SMARCA2: variants seen among roughly 807,000 people sequenced by gnomAD.
SMARCA2 encodes the protein SWI/SNF related BAF chromatin remodeling complex subunit ATPase 2.
Under a neutral mutation model 199.8 loss-of-function variants are expected in SMARCA2, and 61 were observed. The ratio of observed to expected loss-of-function variants is 0.31; its 90% CI spans 0.25 to 0.38. SMARCA2 has a LOEUF of 0.38. Among genes scored for constraint, SMARCA2 ranks in the 10% least tolerant of loss-of-function variants. The probability of loss-of-function intolerance (pLI) is 1.00; values close to 1 mark genes in which losing one functional copy is unlikely to be tolerated. For synonymous variants in SMARCA2, 935 were observed against 732.0 expected (o/e 1.28, Z -4.48); for missense variants, 1,344 against 2,012.2 (o/e 0.67, Z 6.35).
chr9:2,184,247 T>A (rs997350859), intron 31 of SMARCA2, among the ~76,000 whole-genome samples: 1 of 152,142 alleles, frequency 6.6e-6, no homozygotes, highest in African/African-American at 2.4e-5. Flanking sequence ...TTTTACTCTT[T>A]AAGATCATTC....
In SMARCA2 at chr9:2,029,228, G is replaced by T; in HGVS notation, c.206G>T (p.Gly69Val). 1 of 1,611,600 alleles carries T rather than the reference G, an allele frequency of 6.2e-7. No individual in the cohort carries two copies. Among genetic ancestry groups the T allele is most frequent in the Non-Finnish European group, 8.5e-7 (1 of 1,178,648 alleles). Reference sequence around the variant, plus strand: ...GGGTCCACAGACTTCCCACAGGAAGGCATGCATCAAATGCATAAGGTAAGA... The same window carrying T: ...GGGTCCACAGACTTCCCACAGGAAGTCATGCATCAAATGCATAAGGTAAGA... Reference protein sequence around the residue: ...TMGSTDFPQEGMHQMHKPIDG... With the variant: ...TMGSTDFPQEVMHQMHKPIDG... The change falls in exon 2 of 34, where the codon GGC (glycine) becomes GTC (valine). Residue 69 changes from glycine to valine, a missense_variant. This residue lies in a region of SMARCA2 where 275 missense variants were observed against 247.5 expected (regional missense o/e 1.11). Coordinates refer to ENST00000349721, the MANE Select transcript of SMARCA2 (RefSeq NM_003070.5).
chr9:2,084,317 A>G, intron 17 of SMARCA2, 121 bp downstream of exon 17: 1 of 605,910 alleles, frequency 1.7e-6, no homozygotes, highest in Non-Finnish European at 2.9e-6. Context: ...TTATTTTTCT[A>G]AAATTTTTTC....
chr9:2,149,608 G>A (rs185585918), intron 27 of SMARCA2, among the ~76,000 whole-genome samples: 15 of 151,616 alleles, frequency 9.9e-5, no homozygotes, highest in African/African-American at 1.7e-4. Flanking sequence ...GAGGGAAACC[G>A]CTCCCATGAT....
At chr9:2,139,049 AGAT>A (rs1165344812) in intron 27 of SMARCA2, among the ~76,000 whole-genome samples, 1 of 152,122 alleles carries the variant, frequency 6.6e-6, no homozygotes, top group Non-Finnish European at 1.5e-5. Context: ...TGAAGAGTTG[AGAT>A]GAGTCCTGTG....
chr9:2,190,637 A>ACG (rs1172450119), intron 32 of SMARCA2, among the ~76,000 whole-genome samples: 1 of 152,146 alleles, frequency 6.6e-6, no homozygotes, highest in African/African-American at 2.4e-5. Context: ...AATCACACAC[A>ACG]CACACATACA....
chr9:2,050,896 C>T (rs937612777), intron 5 of SMARCA2, among the ~76,000 whole-genome samples: 1 of 152,172 alleles, frequency 6.6e-6, no homozygotes, highest in Non-Finnish European at 1.5e-5. Flanking sequence ...AACAGTAACC[C>T]CTCGTGATTT....
rs1818368039 is a variant in SMARCA2 at position 2,016,705 on chromosome 9, A to G, written c.-37+1301A>G. 1.3e-5 allele frequency among the ~76,000 whole-genome samples: 2 copies of G among 151,668 alleles called. No individual in the cohort carries two copies. Among genetic ancestry groups the G allele is most frequent in the South Asian group, 4.2e-4 (2 of 4,796 alleles). ...GGTGGCGAGGGCGGGAGGCGGGGAGACCGGGTAGGAGCCTCCTCCCAACGA... is the reference window on the plus strand; with the variant it reads ...GGTGGCGAGGGCGGGAGGCGGGGAGGCCGGGTAGGAGCCTCCTCCCAACGA... On this transcript the variant is annotated intron_variant, in intron 1 of 33. Coordinates refer to ENST00000349721, the MANE Select transcript of SMARCA2 (RefSeq NM_003070.5). This position sits in a 1 kb window ranked among gnomAD's most constrained non-coding sequence, Gnocchi z 5.6.
rs1823190964 is a variant in SMARCA2, at chr9:2,115,798, A to T, written c.3457-24A>T. 2 of 1,604,198 alleles carry T rather than the reference A, an allele frequency of 1.2e-6. No individual in the cohort carries two copies. The highest frequency in any genetic ancestry group is 3.3e-5 in the Admixed American group (2 of 59,712). ...GCCTATGCCAGGCATCTCAGTCCTC[A>T]TAGCATATTGACCCCCCAAACAGGA... On this transcript the variant is annotated intron_variant, in intron 24 of 33. Coordinates refer to ENST00000349721, the MANE Select transcript of SMARCA2 (RefSeq NM_003070.5). This position sits in a 1 kb window ranked among gnomAD's most constrained non-coding sequence, Gnocchi z 6.0.
chr9:2,171,004 G>A (rs1034519987), intron 29 of SMARCA2, among the ~76,000 whole-genome samples: 28 of 152,206 alleles, frequency 1.8e-4, no homozygotes, highest in African/African-American at 6.3e-4. Context: ...GTTTCAGGGT[G>A]TGACTCCTGG....
At chr9:2,182,065 C>T (rs1349493178) in intron 30 of SMARCA2, 76 bp from the exon 31 acceptor site, 1 of 963,222 alleles carries the variant, frequency 1.0e-6, no homozygotes, top group Non-Finnish European at 1.7e-6. Flanking sequence ...GAAAATCAGG[C>T]TTTGTTAACT....
rs534957835 is a variant in SMARCA2, at chr9:2,158,913, G to A, written c.3982-2773G>A. The A allele has an allele frequency of 8.3e-5, 134 of 1,609,192 alleles. No individual in the cohort carries two copies. In the African/African-American group the frequency reaches 1.7e-3, roughly 20 times the overall value. On this transcript the variant is annotated intron_variant, in intron 27 of 33. Coordinates refer to ENST00000349721, the MANE Select transcript of SMARCA2 (RefSeq NM_003070.5). ...TATGGATGTGTTTGGGGTCTTTGGG[G>A]AGGAGGGAAGATGTTTTGTAGCTCT...
At chr9:2,057,619 G>A (rs1479992121) in intron 7 of SMARCA2, among the ~76,000 whole-genome samples, 1 of 152,188 alleles carries the variant, frequency 6.6e-6, no homozygotes, top group East Asian at 1.9e-4. Context: ...GAAGGGCCTA[G>A]TTGAATGTTT....
intron 24 of SMARCA2, among the ~76,000 whole-genome samples, chr9:2,111,696 T>C (rs1216223233): frequency 1.3e-5 from 2 of 152,070 alleles, no homozygotes; most frequent in African/African-American, 4.8e-5. Flanking sequence ...TACATTAAAA[T>C]TCTAAGGGAG....
chr9:2,040,193 G>A, intron 4 of SMARCA2: 1 of 598,408 alleles, frequency 1.7e-6, no homozygotes, highest in African/African-American at 1.8e-5. Flanking sequence ...TTTCTTGGAA[G>A]CCCATCCACA....
At chr9:2,059,249 G>T (rs557149545) in intron 8 of SMARCA2, among the ~76,000 whole-genome samples, 1 of 152,138 alleles carries the variant, frequency 6.6e-6, no homozygotes, top group South Asian at 2.1e-4. Flanking sequence ...TGAAGATAAG[G>T]TCATTAGTCT....
At chr9:2,108,201 A>T (rs77427814) in intron 23 of SMARCA2, among the ~76,000 whole-genome samples, 2,766 of 152,276 alleles carry the variant, frequency 0.018, 74 homozygotes, top group African/African-American at 0.062. Flanking sequence ...AGTGGTGTCA[A>T]CGGGTTTGAA....
At chr9:2,061,711 C>T (rs1204242283) in intron 9 of SMARCA2, among the ~76,000 whole-genome samples, 3 of 152,098 alleles carry the variant, frequency 2.0e-5, no homozygotes, top group Admixed American at 2.0e-4. Flanking sequence ...TCTGTTTAGG[C>T]CAGGTACAAA....
At chr9:2,059,044 G>A (rs1820473324) in intron 8 of SMARCA2, among the ~76,000 whole-genome samples, 1 of 152,110 alleles carries the variant, frequency 6.6e-6, no homozygotes, top group Non-Finnish European at 1.5e-5. Flanking sequence ...CATTTGCACT[G>A]TTATTTTTTA....
Position 2,032,811 on chromosome 9 carries a change from C to A in SMARCA2, c.226-141C>A, listed in dbSNP as rs975808986. 72 of 633,712 alleles carry A rather than the reference C, an allele frequency of 1.1e-4. No individual in the cohort carries two copies. The East Asian group carries it at 2.1e-3, about 18-fold the overall frequency. 39.3% of individuals were successfully genotyped at this position (633,712 alleles called of 1,614,324 possible). ...CAGATAGTTTGCTGATCCTTTTGGT[C>A]TAGTCTCTTTTTTTAACTCTAGAAT... On this transcript the variant is annotated intron_variant, in intron 2 of 33. Transcript: ENST00000349721.
Sources: allele counts gnomAD v4.1 joint callset (sites outside exome capture counted in the v4.1 genomes callset), GRCh38; gene constraint gnomAD v4.1.1; regional missense constraint gnomAD v4.1.1; non-coding constraint Gnocchi (gnomAD v3.1); transcripts MANE v1.5; gene names NCBI Gene and HGNC (gene_info 2026-07-23, HGNC 2026-07-21).